The following ADGRG3 variants were observed in gnomAD, a reference collection of about 807,000 sequenced individuals.
The protein encoded by ADGRG3 is adhesion G protein-coupled receptor G3.
In ADGRG3, 39 loss-of-function variants were observed where a neutral mutation model predicts 54.3. The ratio of observed to expected loss-of-function variants is 0.72; its 90% CI spans 0.56 to 0.94. The LOEUF (loss-of-function observed/expected upper bound fraction) is 0.94. Among genes scored for constraint, ADGRG3 ranks in the 40% least tolerant of loss-of-function variants. The probability of loss-of-function intolerance (pLI) is 0.00; values close to 1 mark genes in which losing one functional copy is unlikely to be tolerated. For synonymous variants in ADGRG3, 312 were observed against 290.0 expected, an observed-to-expected ratio of 1.08 and a Z score of -0.77; for missense variants, 654 against 694.6, an observed-to-expected ratio of 0.94 and a Z score of 0.66.
At chr16:57,686,029 G>A (rs2048466995) in intron 11 of ADGRG3, 103 bp downstream of exon 11, 1 of 1,195,502 alleles carries the variant, frequency 8.4e-7, no homozygotes, top group Non-Finnish European at 1.2e-6. Flanking sequence ...ACTCTGTTCA[G>A]GCTAGCTGAA....
At chr16:57,688,193 C>T (rs567675617) in intron 11 of ADGRG3, among the ~76,000 whole-genome samples, 159 bp from the exon 12 acceptor site, 1 of 152,048 alleles carries the variant, frequency 6.6e-6, no homozygotes, top group Non-Finnish European at 1.5e-5. Context: ...TTTTTTATTT[C>T]ATTTTTGAAA....
chr16:57,688,194 A>G (rs1385568353), intron 11 of ADGRG3, among the ~76,000 whole-genome samples, 158 bp from the exon 12 acceptor site: 3 of 151,756 alleles, frequency 2.0e-5, no homozygotes, highest in African/African-American at 7.3e-5. Context: ...TTTTTATTTC[A>G]TTTTTGAAAT....
intron 1 of ADGRG3, among the ~76,000 whole-genome samples, chr16:57,669,118 G>C (rs912297374): frequency 6.6e-6 from 1 of 152,094 alleles, no homozygotes; most frequent in South Asian, 2.1e-4. Context: ...CAACCCTCTC[G>C]GACAGAGGGA....
In ADGRG3 at chr16:57,684,436, CG is replaced by C; in HGVS notation, c.1211del (p.Gly404AlafsTer85). 6.2e-7 allele frequency: 1 copy of C among 1,613,912 alleles called. No individual in the cohort carries two copies. On this transcript the variant is annotated frameshift_variant, in exon 10 of 12. Coordinates refer to ENST00000333493, the MANE Select transcript of ADGRG3 (RefSeq NM_170776.5). LOFTEE classifies it high-confidence loss of function. Reference protein sequence around the residue: ...VIGTGSANSYGLYTIRDRENR... With the variant: ...VIGTGSANSYXLYTIRDRENR... Reference sequence around the variant, plus strand: ...TCGGCACTGGGAGTGCCAACAGCTACGGCCTCTACACCATCCGTGATAGGGA... The same window carrying C: ...TCGGCACTGGGAGTGCCAACAGCTACGCCTCTACACCATCCGTGATAGGGA...
intron 11 of ADGRG3, among the ~76,000 whole-genome samples, chr16:57,688,078 T>C (rs1308731282): frequency 1.3e-5 from 2 of 152,258 alleles, no homozygotes; most frequent in African/African-American, 4.8e-5. Flanking sequence ...TTGTTTTGTA[T>C]GTCTGAAAAT....
chr16:57,675,380 T>G (rs548450700), intron 2 of ADGRG3, among the ~76,000 whole-genome samples: 3 of 152,214 alleles, frequency 2.0e-5, no homozygotes, highest in African/African-American at 7.2e-5. Flanking sequence ...ATCCCAGCAC[T>G]TTGGGAAGCC....
At chr16:57,682,447 A>G in intron 8 of ADGRG3, 7 of 980,534 alleles carry the variant, frequency 7.1e-6, no homozygotes, top group Non-Finnish European at 7.3e-6. Context: ...AGACCAACCC[A>G]TGAGTGTAAA....
At chr16:57,672,351 A>AC (rs1406261725) in intron 1 of ADGRG3, among the ~76,000 whole-genome samples, 2 of 151,966 alleles carry the variant, frequency 1.3e-5, no homozygotes, top group South Asian at 2.1e-4. Flanking sequence ...CATAGTGAGA[A>AC]CCCCCTCTTC....
chr16:57,682,126 A>T (rs1197538436), intron 8 of ADGRG3, among the ~76,000 whole-genome samples: 1 of 152,146 alleles, frequency 6.6e-6, no homozygotes, highest in African/African-American at 2.4e-5. Flanking sequence ...CCTTAGGGAA[A>T]CCTGGGGCTG....
At chr16:57,665,751 C>G (rs2048039464), upstream of ADGRG3, among the ~76,000 whole-genome samples, 1 of 152,220 alleles carries the variant, frequency 6.6e-6, no homozygotes, top group African/African-American at 2.4e-5. Flanking sequence ...ACAGTCCACT[C>G]TCTCCCTTCT....
rs2048462189 is a variant in ADGRG3 at position 57,685,790 on chromosome 16, G to C, written c.1404G>C (p.Glu468Asp). 6.2e-7 allele frequency: 1 copy of C among 1,614,244 alleles called. No homozygotes were observed. Among genetic ancestry groups the C allele is most frequent in the Non-Finnish European group, 8.5e-7 (1 of 1,180,052 alleles). Residue 468 changes from glutamate to aspartate, a missense_variant, in exon 11 of 12, where the codon GAG becomes GAC. Physicochemically the swap from Glu to Asp is conservative, Grantham distance 45. Coordinates refer to ENST00000333493, the MANE Select transcript of ADGRG3 (RefSeq NM_170776.5). ...FTLSRATAVK[E>D]RGKNRKKVLT... The stretch of plus-strand genomic sequence containing the variant: ...TGTCCCGTGCTACAGCGGTCAAGGA[G>C]CGGGGGAAGAACCGGAAGAAGGTGC...
At chr16:57,681,745 AAGAG>A (rs57063207) in intron 8 of ADGRG3, among the ~76,000 whole-genome samples, 16 of 128,536 alleles carry the variant, frequency 1.2e-4, no homozygotes, top group South Asian at 2.4e-4. Flanking sequence ...AAAAAAAAAA[AAGAG>A]AGAGAGAGAG....
chr16:57,681,369 TGTGTGTGCGC>T lies in ADGRG3; in HGVS notation c.881+754_881+763del, dbSNP rs1290805184. ...GTGTCTGTGTGTGTGTGTGTGTGTGTGTGTGTGCGCGCGTGCGTGCGCGCAGGACATATCA... is the reference window on the plus strand; with the variant it reads ...GTGTCTGTGTGTGTGTGTGTGTGTGTGCGTGCGTGCGCGCAGGACATATCA... On this transcript the variant is annotated intron_variant, in intron 8 of 11. Transcript: ENST00000333493. 6.0e-5 allele frequency among the ~76,000 whole-genome samples: 7 copies of T among 117,226 alleles called. No homozygotes were observed. In the East Asian group the frequency reaches 6.8e-4, roughly 11 times the overall value. 76.9% of individuals were successfully genotyped at this position (117,226 alleles called of 152,430 possible). A position where few individuals can be genotyped will look rare whatever the true frequency, so the allele number is the denominator to read the frequency against.
At chr16:57,679,671 C>G in intron 5 of ADGRG3, 145 bp from the exon 6 acceptor site, 1 of 744,576 alleles carries the variant, frequency 1.3e-6, no homozygotes, top group South Asian at 1.5e-5. Context: ...CTTAATTTTT[C>G]TGTGTGGCCC....
chr16:57,669,753 G>T (rs1270710838), intron 1 of ADGRG3, among the ~76,000 whole-genome samples: 6 of 152,182 alleles, frequency 3.9e-5, no homozygotes, highest in African/African-American at 1.4e-4. Context: ...GCTCCTGCTG[G>T]TACCACTTGG....
intron 11 of ADGRG3, 72 bp downstream of exon 11, chr16:57,685,998 G>A (rs2048466549): frequency 6.7e-6 from 10 of 1,500,148 alleles, no homozygotes; most frequent in East Asian, 2.3e-5. Context: ...GTGGGGAAGA[G>A]GGTGGTTTGC....
At position 57,675,019 on chromosome 16, in the gene ADGRG3, AGC is replaced by A. The variant is rs1449375288; in HGVS notation, c.207-1180_207-1179del. Among the ~76,000 whole-genome samples the A allele has an allele frequency of 3.7e-3, 527 of 143,222 alleles. 2 individuals carry two copies. Among genetic ancestry groups the A allele is most frequent in the Non-Finnish European group, 7.0e-3 (450 of 64,344 alleles). The allele number at this position is 143,222 out of a possible 152,430, so 94.0% of individuals were successfully genotyped here. ...TCAAAAAAAAAAAAAAAAAAGCAGC[AGC>A]AGCAGCAGCAGCAGCATCTTGTACG... On this transcript the variant is annotated intron_variant, in intron 2 of 11. Coordinates refer to ENST00000333493, the MANE Select transcript of ADGRG3 (RefSeq NM_170776.5).
In ADGRG3 at chr16:57,679,319, C is replaced by G. The variant is rs764945650; in HGVS notation, c.627+8C>G. The G allele has an allele frequency of 9.3e-6, 15 of 1,613,532 alleles. No homozygotes were observed. In the South Asian group the frequency reaches 1.5e-4, roughly 17 times the overall value. On this transcript the variant is annotated splice_region_variant and intron_variant, in intron 5 of 11. Transcript: ENST00000333493. ...CACCAGCGACCGCCCCCTGTGAGTC[C>G]CCTGCTCAGGCCTGGCAGCCACTGC...
At chr16:57,676,614 C>G (rs2048268868) in intron 3 of ADGRG3, among the ~76,000 whole-genome samples, 1 of 152,212 alleles carries the variant, frequency 6.6e-6, no homozygotes, top group Non-Finnish European at 1.5e-5. Flanking sequence ...AATCCCAGCT[C>G]TGCCCTTCAC....
Sources: allele counts gnomAD v4.1 joint callset (sites outside exome capture counted in the v4.1 genomes callset), GRCh38; gene constraint gnomAD v4.1.1; transcripts MANE v1.5; gene names NCBI Gene and HGNC (gene_info 2026-07-23, HGNC 2026-07-21).